Variants in ITGB8 observed in about 807,000 individuals in gnomAD.
ITGB8 encodes the protein integrin beta-8.
ITGB8 carries 30 observed loss-of-function variants against 89.5 expected under a neutral mutation model. The observed-to-expected ratio is 0.34, with a 90% CI of 0.25 to 0.45. The LOEUF (loss-of-function observed/expected upper bound fraction) is 0.45, where lower values mean the gene tolerates loss of function less well. ITGB8 is among the 20% of genes least tolerant of loss of function. ITGB8 has a pLI of 1.00. For synonymous variants in ITGB8, 335 were observed against 320.4 expected (o/e 1.05, Z -0.49); for missense variants, 836 against 933.3 (o/e 0.90, Z 1.36).
Position 20,404,672 on chromosome 7 carries a change from T to C in ITGB8, c.1732T>C (p.Trp578Arg), listed in dbSNP as rs773141498. 11 of 1,614,076 alleles carry C rather than the reference T, an allele frequency of 6.8e-6. No homozygotes were observed. Among genetic ancestry groups the C allele is most frequent in the East Asian group, 2.2e-5 (1 of 44,874 alleles). ...AGGCAGATGCCAATGCTTCAGTGGC[T>C]GGGAAGGTGATCGATGCCAGTGCCC... ...EAGRCQCFSGWEGDRCQCPSA... is the reference protein window; with the variant it reads ...EAGRCQCFSGREGDRCQCPSA... Residue 578 changes from tryptophan to arginine, a missense_variant, in exon 11 of 14, where the codon TGG becomes CGG. By Grantham distance (101) the Trp-to-Arg change is moderately radical. Around this residue, in one of 5 missense-constraint regions of ITGB8, gnomAD observed 422 missense variants for 416.9 expected, o/e 1.01. Coordinates refer to ENST00000222573, the MANE Select transcript of ITGB8 (RefSeq NM_002214.3).
At chr7:20,356,914 T>G (rs1001929392) in intron 1 of ITGB8, among the ~76,000 whole-genome samples, 1 of 152,134 alleles carries the variant, frequency 6.6e-6, no homozygotes, top group Non-Finnish European at 1.5e-5. Context: ...TTTTTTCCCC[T>G]GTCACTTCTA....
At chr7:20,377,531 C>G (rs1786204232) in intron 3 of ITGB8, 1 of 152,226 alleles carries the variant, frequency 6.6e-6, no homozygotes, top group Non-Finnish European at 1.5e-5. Context: ...TAACATTCCC[C>G]TGAATTTAAT....
rs564815900 is a variant in ITGB8, at chr7:20,414,705, C to T, written c.*4708C>T. The T allele has an allele frequency of 6.6e-5, 10 of 152,514 alleles. No homozygotes were observed. Among genetic ancestry groups the T allele is most frequent in the South Asian group, 2.1e-4 (1 of 4,798 alleles). 9.4% of individuals were successfully genotyped at this position (152,514 alleles called of 1,614,324 possible). A position where few individuals can be genotyped will look rare whatever the true frequency, so the allele number is the denominator to read the frequency against. The stretch of plus-strand genomic sequence containing the variant: ...TCACTTTAACTTCAAGCTTATGTAA[C>T]GACTGTTATAAAACTGCATATTTAA... On this transcript the variant is annotated 3_prime_UTR_variant, in exon 14 of 14. Coordinates refer to ENST00000222573, the MANE Select transcript of ITGB8 (RefSeq NM_002214.3).
At chr7:20,335,287 G>A (rs997362118) in intron 1 of ITGB8, among the ~76,000 whole-genome samples, 1 of 152,178 alleles carries the variant, frequency 6.6e-6, no homozygotes, top group Non-Finnish European at 1.5e-5. Flanking sequence ...AGAAGGACAC[G>A]AGGAATGGGA....
chr7:20,353,064 C>T (rs1229042287), intron 1 of ITGB8: 1 of 152,172 alleles, frequency 6.6e-6, no homozygotes, highest in African/African-American at 2.4e-5. Flanking sequence ...TGTAAATTCC[C>T]TCATGACCTA....
At chr7:20,384,057 G>C (rs553716527) in intron 6 of ITGB8, among the ~76,000 whole-genome samples, 1 of 152,252 alleles carries the variant, frequency 6.6e-6, no homozygotes, top group African/African-American at 2.4e-5. Flanking sequence ...CCTTGGCCAT[G>C]AATTTATACA....
intron 1 of ITGB8, among the ~76,000 whole-genome samples, chr7:20,362,037 A>T (rs1392157477): frequency 6.6e-6 from 1 of 152,120 alleles, no homozygotes; most frequent in Non-Finnish European, 1.5e-5. Context: ...TTTCCTGCTT[A>T]CTCCATTGAG....
chr7:20,369,812 T>C (rs1233763576), intron 3 of ITGB8, among the ~76,000 whole-genome samples: 1 of 152,044 alleles, frequency 6.6e-6, no homozygotes, highest in Non-Finnish European at 1.5e-5. Flanking sequence ...TAAATAAATA[T>C]TAAATAACAG....
intron 1 of ITGB8, among the ~76,000 whole-genome samples, chr7:20,350,194 C>G (rs527364565): frequency 6.6e-6 from 1 of 152,320 alleles, no homozygotes; most frequent in African/African-American, 2.4e-5. Flanking sequence ...GTCGCCCAGG[C>G]TGGAGTGCAA....
chr7:20,336,611 T>C (rs1035679262), intron 1 of ITGB8, among the ~76,000 whole-genome samples: 1 of 152,234 alleles, frequency 6.6e-6, no homozygotes, highest in Non-Finnish European at 1.5e-5. Flanking sequence ...GCTTGAATTA[T>C]GCTTCATAAT....
chr7:20,385,652 A>G (rs1259736702), intron 6 of ITGB8, among the ~76,000 whole-genome samples: 1 of 152,154 alleles, frequency 6.6e-6, no homozygotes, highest in Non-Finnish European at 1.5e-5. Flanking sequence ...TGCAACTTTA[A>G]CATGTACTTG....
intron 7 of ITGB8, among the ~76,000 whole-genome samples, chr7:20,393,565 A>C (rs1417654937): frequency 2.6e-5 from 4 of 152,156 alleles, no homozygotes; most frequent in Non-Finnish European, 5.9e-5. Flanking sequence ...TAGAGGACCA[A>C]ATCTCTAAGG....
At chr7:20,353,961 A>AAAAAG (rs1785204531) in intron 1 of ITGB8, among the ~76,000 whole-genome samples, 1 of 149,580 alleles carries the variant, frequency 6.7e-6, no homozygotes, top group Non-Finnish European at 1.5e-5. Flanking sequence ...AAAAAAGAAA[A>AAAAAG]CGGTAATCTG....
chr7:20,406,701 T>C (rs1787559531), intron 12 of ITGB8, among the ~76,000 whole-genome samples: 1 of 152,188 alleles, frequency 6.6e-6, no homozygotes. Flanking sequence ...CATACAACTC[T>C]TTGAGATTGG....
intron 1 of ITGB8, among the ~76,000 whole-genome samples, chr7:20,333,814 GC>G (rs1471646683): frequency 7.9e-5 from 12 of 152,042 alleles, no homozygotes; most frequent in African/African-American, 2.9e-4. Context: ...TTAAAAACAT[GC>G]AAAAAATGTA....
At chr7:20,408,577 C>A (rs1787640360) in intron 12 of ITGB8, among the ~76,000 whole-genome samples, 1 of 152,028 alleles carries the variant, frequency 6.6e-6, no homozygotes, top group Admixed American at 6.5e-5. Context: ...CTCAGGGACA[C>A]CTTGGAACTT....
rs769774642 is a variant in ITGB8 at position 20,401,713 on chromosome 7, A to T, written c.1282-8A>T. ...ATAAATATATTTCCTTTTTCCTCCT[A>T]AATTTAGGTTCTTTTCAATGTAACA... On this transcript the variant is annotated splice_region_variant and splice_polypyrimidine_tract_variant and intron_variant, in intron 9 of 13. Transcript: ENST00000222573. The T allele has an allele frequency of 6.6e-7, 1 of 1,505,306 alleles. No individual in the cohort carries two copies. The highest frequency in any genetic ancestry group is 8.9e-7 in the Non-Finnish European group (1 of 1,126,830). The allele number at this position is 1,505,306 out of a possible 1,614,324, so 93.2% of individuals were successfully genotyped here. A position where few individuals can be genotyped will look rare whatever the true frequency, so the allele number is the denominator to read the frequency against.
intron 3 of ITGB8, among the ~76,000 whole-genome samples, chr7:20,377,138 T>C (rs1786184416): frequency 6.6e-6 from 1 of 152,178 alleles, no homozygotes; most frequent in South Asian, 2.1e-4. Flanking sequence ...AGGCCCTGGT[T>C]GTTTGCTGAG....
At chr7:20,378,650 C>T (rs1043872897) in intron 3 of ITGB8, among the ~76,000 whole-genome samples, 2 of 152,116 alleles carry the variant, frequency 1.3e-5, no homozygotes, top group African/African-American at 4.8e-5. Context: ...TCATTCCACA[C>T]GTACATCCCC....
Sources: gnomAD v4.1 joint callset for allele counts (sites outside exome capture counted in the v4.1 genomes callset) on GRCh38, gnomAD v4.1.1 for gene constraint, gnomAD v4.1.1 regional missense constraint, MANE v1.5 for transcripts, NCBI Gene and HGNC (gene_info 2026-07-23, HGNC 2026-07-21) for gene names.